SAMMSON: variants seen among roughly 807,000 people sequenced by gnomAD.
SAMMSON encodes survival associated mitochondrial melanoma specific oncogenic non-coding RNA, also known as long intergenic non-protein coding RNA 1212.
chr3:70,169,819 A>C (rs1201955809), intron 4 of SAMMSON, among the ~76,000 whole-genome samples: 3 of 151,822 alleles, frequency 2.0e-5, no homozygotes, highest in Non-Finnish European at 4.4e-5. Flanking sequence ...CAGAGCACCG[A>C]GGGTCTGTTG....
intron 9 of SAMMSON, among the ~76,000 whole-genome samples, chr3:70,377,256 C>A (rs190497996): frequency 1.3e-5 from 2 of 151,934 alleles, no homozygotes; most frequent in African/African-American, 2.4e-5. Flanking sequence ...AAATTAAGAT[C>A]GGCTATAATT....
intron 7 of SAMMSON, among the ~76,000 whole-genome samples, chr3:70,330,370 A>T (rs1702613882): frequency 1.3e-5 from 2 of 152,012 alleles, no homozygotes; most frequent in South Asian, 4.1e-4. Context: ...GTACATGAAA[A>T]GTGAAATGAG....
Position 70,108,423 on chromosome 3 carries a change from CTT to C in SAMMSON, n.507+36875_507+36876del, listed in dbSNP as rs61561713. On this transcript the variant is annotated intron_variant and non_coding_transcript_variant, in intron 4 of 9. Coordinates refer to ENST00000642114, the Ensembl canonical transcript of SAMMSON. ...TAGTGTTTCTCAACTCTTGCGGTTC[CTT>C]TTTTTTTTTTTTTTTTATCATAACT... 5.8e-4 allele frequency among the ~76,000 whole-genome samples: 52 copies of C among 89,312 alleles called. 1 individual carries two copies. The highest frequency in any genetic ancestry group is 7.9e-3 in the Middle Eastern group (1 of 126). 58.6% of individuals were successfully genotyped at this position (89,312 alleles called of 152,430 possible). A position where few individuals can be genotyped will look rare whatever the true frequency, so the allele number is the denominator to read the frequency against.
At position 70,226,923 on chromosome 3, in the gene SAMMSON, T is replaced by A. The variant is rs538307280; in HGVS notation, n.508-22184T>A. Among the ~76,000 whole-genome samples the A allele has an allele frequency of 3.0e-4, 45 of 152,184 alleles. 1 individual carries two copies. The highest frequency in any genetic ancestry group is 1.1e-3 in the African/African-American group (44 of 41,532). On this transcript the variant is annotated intron_variant and non_coding_transcript_variant, in intron 4 of 9. Coordinates refer to ENST00000642114, the Ensembl canonical transcript of SAMMSON. ...GTGGGAATTCTGATGAAGCTTTTGA[T>A]CTTTACCCATAGATTTTTTATTTTA...
At chr3:70,429,709 A>G (rs1701398541) in intron 2 of SAMMSON, among the ~76,000 whole-genome samples, 2 of 151,948 alleles carry the variant, frequency 1.3e-5, no homozygotes, top group Admixed American at 1.3e-4. Context: ...ATTCCTAGGT[A>G]TTTTATTCTC....
At chr3:70,046,513 T>C (rs562092915) in intron 3 of SAMMSON, among the ~76,000 whole-genome samples, 2 of 152,130 alleles carry the variant, frequency 1.3e-5, no homozygotes, top group Non-Finnish European at 2.9e-5. Context: ...TTCATTTTAT[T>C]CTTGTACTTT....
At chr3:70,220,034 A>G (rs942000729) in intron 4 of SAMMSON, among the ~76,000 whole-genome samples, 7 of 152,182 alleles carry the variant, frequency 4.6e-5, no homozygotes, top group African/African-American at 1.2e-4. Flanking sequence ...ACAAAAATAA[A>G]GAAAAGATTT....
At chr3:70,398,631 T>A (rs1486951308) in intron 2 of SAMMSON, among the ~76,000 whole-genome samples, 1 of 152,226 alleles carries the variant, frequency 6.6e-6, no homozygotes, top group East Asian at 1.9e-4. Context: ...AGCTTTTATA[T>A]GACCTGAAGT....
At chr3:70,195,012 G>A (rs1701162140) in intron 4 of SAMMSON, among the ~76,000 whole-genome samples, 2 of 152,126 alleles carry the variant, frequency 1.3e-5, no homozygotes, top group African/African-American at 4.8e-5. Context: ...TGTAACACCT[G>A]CACCACTGAG....
intron 7 of SAMMSON, among the ~76,000 whole-genome samples, chr3:70,296,397 A>G (rs1702288971): frequency 6.6e-6 from 1 of 152,156 alleles, no homozygotes; most frequent in Admixed American, 6.5e-5. Flanking sequence ...CTACCAGAAA[A>G]TGGACCTAAT....
intron 9 of SAMMSON, among the ~76,000 whole-genome samples, chr3:70,385,820 TAAAC>T (rs1357260654): frequency 6.6e-6 from 1 of 152,136 alleles, no homozygotes; most frequent in Non-Finnish European, 1.5e-5. Context: ...TAACTTTACT[TAAAC>T]AGTGGTAGAG....
At chr3:70,356,502 C>G (rs1575632653) in intron 8 of SAMMSON, among the ~76,000 whole-genome samples, 1 of 152,010 alleles carries the variant, frequency 6.6e-6, no homozygotes, top group Non-Finnish European at 1.5e-5. Flanking sequence ...CTTGATAACC[C>G]TGAGTTCTGG....
intron 4 of SAMMSON, among the ~76,000 whole-genome samples, chr3:70,078,727 G>A (rs904685375): frequency 3.9e-5 from 6 of 152,078 alleles, no homozygotes; most frequent in Admixed American, 1.3e-4. Flanking sequence ...ACAGGGCCAG[G>A]CCCAGAGTAA....
At chr3:70,056,119 A>G (rs1033357987) in intron 3 of SAMMSON, among the ~76,000 whole-genome samples, 1 of 151,918 alleles carries the variant, frequency 6.6e-6, no homozygotes, top group East Asian at 1.9e-4. Context: ...TTTCTTTCCC[A>G]TTCTTTTCCT....
intron 6 of SAMMSON, among the ~76,000 whole-genome samples, chr3:70,290,362 T>C (rs1702222794): frequency 6.6e-6 from 1 of 152,208 alleles, no homozygotes; most frequent in South Asian, 2.1e-4. Flanking sequence ...GCCTCCCAGT[T>C]AGGCTGCTCG....
intron 9 of SAMMSON, among the ~76,000 whole-genome samples, chr3:70,382,380 A>G (rs2106752495): frequency 6.6e-6 from 1 of 152,248 alleles, no homozygotes; most frequent in South Asian, 2.1e-4. Flanking sequence ...TTAAGCACTC[A>G]GGTTACATCA....
chr3:70,416,886 G>A (rs1189036962), intron 2 of SAMMSON, among the ~76,000 whole-genome samples: 1 of 151,960 alleles, frequency 6.6e-6, no homozygotes, highest in Non-Finnish European at 1.5e-5. Flanking sequence ...TTTTTTCACT[G>A]TCCCTGGAGT....
chr3:70,246,935 G>A (rs755030299), intron 4 of SAMMSON, among the ~76,000 whole-genome samples: 31 of 151,796 alleles, frequency 2.0e-4, no homozygotes, highest in Admixed American at 1.2e-3. Context: ...TCAATAATTC[G>A]TAATTATAGG....
intron 1 of SAMMSON, among the ~76,000 whole-genome samples, chr3:70,002,598 A>C (rs902988165): frequency 6.6e-6 from 1 of 152,208 alleles, no homozygotes; most frequent in African/African-American, 2.4e-5. Flanking sequence ...ATTATCAACT[A>C]TCAACTCTGT....
Sources: gnomAD v4.1 joint callset for allele counts (sites outside exome capture counted in the v4.1 genomes callset) on GRCh38, gnomAD v4.1.1 for gene constraint, MANE v1.5 for transcripts, NCBI Gene and HGNC (gene_info 2026-07-23, HGNC 2026-07-21) for gene names.